The following ASIC2 variants were observed in gnomAD, a reference collection of about 807,000 sequenced individuals.
ASIC2 encodes the protein acid sensing ion channel subunit 2.
ASIC2 carries 25 observed loss-of-function variants against 57.3 expected under a neutral mutation model. The ratio of observed to expected loss-of-function variants is 0.44; its 90% CI spans 0.32 to 0.61. ASIC2 has a LOEUF of 0.61. ASIC2 is among the 20% of genes least tolerant of loss of function. The pLI, the probability that ASIC2 is intolerant of heterozygous loss-of-function variation, is 0.06. For missense variants in ASIC2, 641 were observed against 738.1 expected (o/e 0.87, Z 1.52); for synonymous variants, 319 against 307.5 (o/e 1.04, Z -0.39).
At chr17:33,323,698 A>C (rs1334189543) in intron 1 of ASIC2, among the ~76,000 whole-genome samples, 1 of 152,200 alleles carries the variant, frequency 6.6e-6, no homozygotes, top group Non-Finnish European at 1.5e-5. Context: ...TGGGTGACAG[A>C]GTGAGACTTC....
chr17:33,658,428 GC>G (rs1428104908), intron 1 of ASIC2, among the ~76,000 whole-genome samples: 5 of 152,244 alleles, frequency 3.3e-5, no homozygotes, highest in African/African-American at 1.2e-4. Context: ...ACCTAAGGCA[GC>G]AGTTTGCTCT....
intron 1 of ASIC2, among the ~76,000 whole-genome samples, chr17:33,226,672 T>C (rs1907893446): frequency 6.6e-6 from 1 of 152,218 alleles, no homozygotes; most frequent in African/African-American, 2.4e-5. Context: ...GTGTCTGACT[T>C]ATAGGTTAGT....
At chr17:34,021,997 C>T (rs1907180625) in intron 1 of ASIC2, among the ~76,000 whole-genome samples, 1 of 152,030 alleles carries the variant, frequency 6.6e-6, no homozygotes. Flanking sequence ...GCCACCACGC[C>T]TGGCTAATTT....
chr17:33,911,068 G>A (rs1417979162), intron 1 of ASIC2, among the ~76,000 whole-genome samples: 1 of 152,224 alleles, frequency 6.6e-6, no homozygotes, highest in African/African-American at 2.4e-5. Flanking sequence ...GCTGGGCCCA[G>A]AGCGAGCGCC....
intron 1 of ASIC2, among the ~76,000 whole-genome samples, chr17:33,145,571 A>G (rs945045074): frequency 6.6e-6 from 1 of 152,202 alleles, no homozygotes; most frequent in African/African-American, 2.4e-5. Flanking sequence ...TGCATAAGAT[A>G]TTTCCAACAT....
intron 1 of ASIC2, among the ~76,000 whole-genome samples, chr17:33,850,138 T>A (rs1172066771): frequency 6.6e-6 from 1 of 152,152 alleles, no homozygotes; most frequent in Non-Finnish European, 1.5e-5. Context: ...GCTCACAAAA[T>A]CAGGGCTTAT....
chr17:34,017,258 A>G (rs1035512544), intron 1 of ASIC2, among the ~76,000 whole-genome samples: 2 of 152,124 alleles, frequency 1.3e-5, no homozygotes, highest in Non-Finnish European at 1.5e-5. Context: ...TACTGATGTA[A>G]TTGTTTGGGG....
chr17:33,455,500 G>A (rs1208189669), intron 1 of ASIC2, among the ~76,000 whole-genome samples: 2 of 152,158 alleles, frequency 1.3e-5, no homozygotes, highest in Non-Finnish European at 2.9e-5. Flanking sequence ...CTGCATCCAC[G>A]TTGCTGCAAA....
rs148313904 is a variant in ASIC2, at chr17:33,179,474, A to G, written c.709-67407T>C. On this transcript the variant is annotated intron_variant, in intron 1 of 9. Coordinates refer to ENST00000225823, the MANE Select transcript of ASIC2 (RefSeq NM_183377.2). ...CAAAAGGATCCCTGAAACAGATCCCACTTTACCTGGCAGGCTTTTGTTCAT... is the reference window on the plus strand; with the variant it reads ...CAAAAGGATCCCTGAAACAGATCCCGCTTTACCTGGCAGGCTTTTGTTCAT... 2.4e-3 allele frequency among the ~76,000 whole-genome samples: 371 copies of G among 152,268 alleles called. 7 individuals are homozygous for G. Among genetic ancestry groups the G allele is most frequent in the Admixed American group, 0.017 (255 of 15,294 alleles).
At chr17:33,544,793 A>T (rs1014028682) in intron 1 of ASIC2, among the ~76,000 whole-genome samples, 3 of 152,194 alleles carry the variant, frequency 2.0e-5, no homozygotes, top group Non-Finnish European at 4.4e-5. Flanking sequence ...AATGAAAAAA[A>T]ATATAGGTCG....
At chr17:33,416,288 T>G (rs983459735) in intron 1 of ASIC2, among the ~76,000 whole-genome samples, 1 of 152,220 alleles carries the variant, frequency 6.6e-6, no homozygotes, top group African/African-American at 2.4e-5. Context: ...AATTTTATCA[T>G]TGTCTTCCCT....
chr17:33,492,704 T>C (rs1161381724), intron 1 of ASIC2, among the ~76,000 whole-genome samples: 1 of 152,178 alleles, frequency 6.6e-6, no homozygotes, highest in Non-Finnish European at 1.5e-5. Flanking sequence ...GCTTCTAACA[T>C]TGGCACTGGT....
In ASIC2 at chr17:33,116,478, CT is replaced by C. The variant is rs1207398799; in HGVS notation, c.709-4412del. 2.6e-5 allele frequency among the ~76,000 whole-genome samples: 4 copies of C among 152,196 alleles called. No individual in the cohort carries two copies. The East Asian group carries it at 7.7e-4, about 29-fold the overall frequency. Reference sequence around the variant, plus strand: ...AGACCTGCTATTCTGCCAGGCATTTCTCTGCTTTCCTGGTAAGTGCTGACAG... The same window carrying C: ...AGACCTGCTATTCTGCCAGGCATTTCCTGCTTTCCTGGTAAGTGCTGACAG... On this transcript the variant is annotated intron_variant, in intron 1 of 9. Coordinates refer to ENST00000225823, the MANE Select transcript of ASIC2 (RefSeq NM_183377.2).
chr17:33,917,864 ACACACACACACACACACGTGCATGTG>A (rs1567755667), intron 1 of ASIC2, among the ~76,000 whole-genome samples: 1 of 146,944 alleles, frequency 6.8e-6, no homozygotes, highest in East Asian at 2.4e-4. Flanking sequence ...GTACACACAC[ACACACACACACACACACGTGCATGTG>A]CACACACACA....
At chr17:33,579,370 C>T (rs886308412) in intron 1 of ASIC2, among the ~76,000 whole-genome samples, 3 of 150,660 alleles carry the variant, frequency 2.0e-5, no homozygotes. Flanking sequence ...GGTATGTTTA[C>T]AAACCTCTAA....
intron 1 of ASIC2, among the ~76,000 whole-genome samples, chr17:33,539,722 G>A (rs761095986): frequency 3.9e-5 from 6 of 152,138 alleles, no homozygotes; most frequent in East Asian, 3.9e-4. Flanking sequence ...TGACTAGCTC[G>A]GGTATTTACT....
chr17:33,398,952 G>T (rs1910181533), intron 1 of ASIC2, among the ~76,000 whole-genome samples: 1 of 152,196 alleles, frequency 6.6e-6, no homozygotes, highest in Non-Finnish European at 1.5e-5. Flanking sequence ...GGGAGTCATA[G>T]ACTGGGACAT....
At chr17:33,223,155 C>G (rs1399467170) in intron 1 of ASIC2, among the ~76,000 whole-genome samples, 1 of 152,224 alleles carries the variant, frequency 6.6e-6, no homozygotes, top group South Asian at 2.1e-4. Context: ...CTCCTTCCCC[C>G]TTTTCTTTTT....
At chr17:33,180,109 G>A (rs1905919057) in intron 1 of ASIC2, among the ~76,000 whole-genome samples, 1 of 152,170 alleles carries the variant, frequency 6.6e-6, no homozygotes, top group Admixed American at 6.5e-5. Flanking sequence ...GGAAAGGAAT[G>A]GCCAGGAAAC....
Sources: gnomAD v4.1 joint callset for allele counts (sites outside exome capture counted in the v4.1 genomes callset) on GRCh38, gnomAD v4.1.1 for gene constraint, MANE v1.5 for transcripts, NCBI Gene and HGNC (gene_info 2026-07-23, HGNC 2026-07-21) for gene names.